Variants in ATAD2B observed in about 807,000 individuals in gnomAD.
ATAD2B encodes the protein ATPase family AAA domain-containing protein 2B.
Under a neutral mutation model 167.6 loss-of-function variants are expected in ATAD2B, and 40 were observed. That is an observed-to-expected ratio of 0.24 (90% CI 0.19 to 0.31). ATAD2B has a LOEUF of 0.31. Among genes scored for constraint, ATAD2B ranks in the 10% least tolerant of loss-of-function variants. The pLI, the probability that ATAD2B is intolerant of heterozygous loss-of-function variation, is 1.00. For missense variants in ATAD2B, 1,242 were observed against 1,757.2 expected (o/e 0.71, Z 5.24); for synonymous variants, 579 against 596.5 (o/e 0.97, Z 0.43).
At chr2:23,817,149 T>C (rs1026459059) in intron 17 of ATAD2B, among the ~76,000 whole-genome samples, 2 of 152,330 alleles carry the variant, frequency 1.3e-5, no homozygotes, top group Middle Eastern at 3.4e-3. Context: ...GTGAAATATA[T>C]GGCTTAACTT....
chr2:23,678,303 G>A, the ATAD2B span, among the ~76,000 whole-genome samples: 2 of 152,168 alleles, frequency 1.3e-5, no homozygotes, highest in Admixed American at 1.3e-4. Flanking sequence ...TCACCACTTA[G>A]AACCAATGGG....
chr2:23,765,647 T>C lies in ATAD2B; in HGVS notation c.3134-19A>G, dbSNP rs1190746913. ...ATTTTATCTGTTAAAAAAGTTGGTA[T>C]ATATTTATTATAGAAACAAATAAAA... On this transcript the variant is annotated intron_variant, in intron 22 of 27. Transcript: ENST00000238789. 4 of 1,308,918 alleles carry C rather than the reference T, an allele frequency of 3.1e-6. No homozygotes were observed. Among genetic ancestry groups the C allele is most frequent in the Non-Finnish European group, 4.0e-6 (4 of 999,942 alleles). 81.1% of individuals were successfully genotyped at this position (1,308,918 alleles called of 1,614,324 possible). A position where few individuals can be genotyped will look rare whatever the true frequency, so the allele number is the denominator to read the frequency against.
chr2:23,811,692 C>G (rs182507787), intron 17 of ATAD2B, among the ~76,000 whole-genome samples: 2 of 151,944 alleles, frequency 1.3e-5, no homozygotes, highest in African/African-American at 2.4e-5. Context: ...CACATGTATA[C>G]CTACGTAACA....
intron 18 of ATAD2B, among the ~76,000 whole-genome samples, chr2:23,805,838 G>A (rs1329988325): frequency 7.3e-6 from 1 of 136,638 alleles, no homozygotes; most frequent in Non-Finnish European, 1.5e-5. Flanking sequence ...TCACTTAAGT[G>A]AAGCTTAGAA....
At chr2:23,732,505 A>G in the ATAD2B span, among the ~76,000 whole-genome samples, 1 of 152,228 alleles carries the variant, frequency 6.6e-6, no homozygotes, top group African/African-American at 2.4e-5. Flanking sequence ...TCTGTACCTG[A>G]GTAGTGGTTA....
At chr2:23,886,866 G>A (rs1188036615) in intron 4 of ATAD2B, among the ~76,000 whole-genome samples, 1 of 151,326 alleles carries the variant, frequency 6.6e-6, no homozygotes, top group African/African-American at 2.4e-5. Context: ...AGGAGGCAGA[G>A]CTTGCAGTGA....
At chr2:23,897,104 A>G (rs1048073891) in intron 1 of ATAD2B, among the ~76,000 whole-genome samples, 69 of 152,354 alleles carry the variant, frequency 4.5e-4, no homozygotes, top group African/African-American at 1.6e-3. Context: ...ACTGGGTGAC[A>G]GAGCGAGACT....
chr2:23,719,299 C>CT, the ATAD2B span, among the ~76,000 whole-genome samples: 5 of 152,250 alleles, frequency 3.3e-5, no homozygotes, highest in African/African-American at 1.2e-4. Flanking sequence ...TCCAAAATGA[C>CT]TTGACATACA....
At chr2:23,754,138 A>G (rs1675680243) in intron 27 of ATAD2B, 41 bp downstream of exon 27, 3 of 1,433,182 alleles carry the variant, frequency 2.1e-6, no homozygotes, top group South Asian at 2.9e-5. Flanking sequence ...AACAAGTAAA[A>G]TCAAGTATTT....
At chr2:23,757,271 T>G (rs968771810) in intron 25 of ATAD2B, 147 bp downstream of exon 25, 1 of 631,234 alleles carries the variant, frequency 1.6e-6, no homozygotes, top group Non-Finnish European at 2.4e-6. Context: ...CATGTGTGCT[T>G]TTCTAGAGAA....
At chr2:23,756,161 T>C (rs1675929999) in intron 25 of ATAD2B, among the ~76,000 whole-genome samples, 1 of 152,158 alleles carries the variant, frequency 6.6e-6, no homozygotes, top group African/African-American at 2.4e-5. Context: ...GCTGTTATAT[T>C]CATTACTTAA....
chr2:23,754,117 C>T, intron 27 of ATAD2B, 62 bp downstream of exon 27: 4 of 1,370,362 alleles, frequency 2.9e-6, no homozygotes, highest in African/African-American at 1.5e-5. Flanking sequence ...TTTTTTTCCT[C>T]TTTTCTTTGG....
chr2:23,758,566 T>C (rs1238206346), intron 24 of ATAD2B, among the ~76,000 whole-genome samples: 1 of 152,162 alleles, frequency 6.6e-6, no homozygotes, highest in Non-Finnish European at 1.5e-5. Context: ...TGATTCAATA[T>C]AGCATAACAG....
chr2:23,742,592 A>G, the ATAD2B span, among the ~76,000 whole-genome samples: 1 of 151,082 alleles, frequency 6.6e-6, no homozygotes, highest in Non-Finnish European at 1.5e-5. Context: ...ATTAGGAGAT[A>G]TACCTAATGA....
chr2:23,926,854 G>A lies in ATAD2B; in HGVS notation c.-84C>T, dbSNP rs868747503. The A allele has an allele frequency of 9.1e-6, 13 of 1,426,742 alleles. No individual in the cohort carries two copies. In the Middle Eastern group the frequency reaches 2.6e-3, roughly 284 times the overall value. 88.4% of individuals were successfully genotyped at this position (1,426,742 alleles called of 1,614,324 possible). ...CGCCGGCCGGTCAGTCAGGGCCAGC[G>A]GAGCCGAGCCGGGCAATGAGAGACG... is the stretch of plus-strand genomic sequence containing the variant. On this transcript the variant is annotated 5_prime_UTR_variant, in exon 1 of 28. Coordinates refer to ENST00000238789, the MANE Select transcript of ATAD2B (RefSeq NM_017552.4).
At chr2:23,861,730 C>T (rs534982078) in intron 12 of ATAD2B, among the ~76,000 whole-genome samples, 7 of 152,052 alleles carry the variant, frequency 4.6e-5, no homozygotes, top group Non-Finnish European at 1.0e-4. Flanking sequence ...CATTGCCAAG[C>T]CAATTCTTCC....
At chr2:23,715,032 T>G in the ATAD2B span, among the ~76,000 whole-genome samples, 1 of 151,948 alleles carries the variant, frequency 6.6e-6, no homozygotes, top group African/African-American at 2.4e-5. Context: ...TTGAAAAAAA[T>G]CCAATAAACA....
At chr2:23,809,497 C>G (rs1685210309) in intron 18 of ATAD2B, among the ~76,000 whole-genome samples, 1 of 151,976 alleles carries the variant, frequency 6.6e-6, no homozygotes, top group Non-Finnish European at 1.5e-5. Flanking sequence ...GAAAATGTAA[C>G]TGGGAAAAAA....
At chr2:23,777,375 T>TATCTATA (rs1336419892) in intron 22 of ATAD2B, among the ~76,000 whole-genome samples, 1 of 151,944 alleles carries the variant, frequency 6.6e-6, no homozygotes, top group Non-Finnish European at 1.5e-5. Context: ...TCTATATCTA[T>TATCTATA]ATCTATATCT....
Sources: allele counts gnomAD v4.1 joint callset (sites outside exome capture counted in the v4.1 genomes callset), GRCh38; gene constraint gnomAD v4.1.1; transcripts MANE v1.5; gene names NCBI Gene and HGNC (gene_info 2026-07-23, HGNC 2026-07-21).